RPS6KA2: variants seen among roughly 807,000 people sequenced by gnomAD.
RPS6KA2 encodes the protein ribosomal protein S6 kinase A2.
Under a neutral mutation model 91.8 loss-of-function variants are expected in RPS6KA2, and 42 were observed. The ratio of observed to expected loss-of-function variants is 0.46; its 90% CI spans 0.36 to 0.59. The LOEUF is 0.59. Ranked by LOEUF, RPS6KA2 falls within the 20% of genes least tolerant of loss-of-function variation. The pLI is 0.00. For synonymous variants in RPS6KA2, 414 were observed against 393.6 expected, an observed-to-expected ratio of 1.05 and a Z score of -0.61; for missense variants, 798 against 978.5, an observed-to-expected ratio of 0.82 and a Z score of 2.46.
rs142688687 is a variant in RPS6KA2 at position 166,696,627 on chromosome 6, G to A, written c.124-157843C>T. 6.5e-3 allele frequency among the ~76,000 whole-genome samples: 996 copies of A among 152,290 alleles called. 7 individuals carry two copies. The highest frequency in any genetic ancestry group is 0.021 in the African/African-American group (854 of 41,556). On this transcript the variant is annotated intron_variant, in intron 2 of 21. Coordinates refer to the RPS6KA2 transcript ENST00000503859. ...TGCACGGTGCCCAGATACTGGTCAG[G>A]GTTATTATGAATGTGTCCGTGAGGG...
chr6:166,507,489 AAC>A (rs1226304440), intron 5 of RPS6KA2, among the ~76,000 whole-genome samples: 4 of 150,348 alleles, frequency 2.7e-5, no homozygotes, highest in East Asian at 2.0e-4. Context: ...CAGGATGTCA[AAC>A]ACACAGACAC....
At chr6:166,446,899 C>T (rs1271323892) in intron 14 of RPS6KA2, among the ~76,000 whole-genome samples, 1 of 152,136 alleles carries the variant, frequency 6.6e-6, no homozygotes, top group Non-Finnish European at 1.5e-5. Context: ...GAAAAAAATT[C>T]CAAGGAGCCT....
At chr6:166,443,431 T>C (rs1346273419) in intron 14 of RPS6KA2, among the ~76,000 whole-genome samples, 2 of 152,256 alleles carry the variant, frequency 1.3e-5, no homozygotes, top group Non-Finnish European at 2.9e-5. Context: ...TCAAGGTTTA[T>C]GGAACTGCAC....
intron 3 of RPS6KA2, among the ~76,000 whole-genome samples, chr6:166,526,077 C>T (rs931992713): frequency 6.6e-6 from 1 of 151,444 alleles, no homozygotes. Context: ...GCCTCCTCTC[C>T]ACATAACTCC....
Position 166,412,947 on chromosome 6 carries a change from GC to G in RPS6KA2, c.2077-61del, listed in dbSNP as rs1198966589. 8.1e-6 allele frequency: 12 copies of G among 1,481,110 alleles called. No individual in the cohort carries two copies. In the East Asian group the frequency reaches 2.6e-4, roughly 32 times the overall value. The allele number at this position is 1,481,110 out of a possible 1,614,324, so 91.7% of individuals were successfully genotyped here. A position where few individuals can be genotyped will look rare whatever the true frequency, so the allele number is the denominator to read the frequency against. On this transcript the variant is annotated intron_variant, in intron 20 of 20. Transcript: ENST00000265678. The surrounding 1 kb of genome is among the most constrained non-coding windows in gnomAD (Gnocchi z 4.3). The stretch of plus-strand genomic sequence containing the variant: ...GCCTCACTCCAGGGGTTGAGCCGGA[GC>G]CCGGGGCCTCCATGGGCCTCAGCTG...
At chr6:166,561,483 G>A (rs1784341377) in intron 1 of RPS6KA2, among the ~76,000 whole-genome samples, 1 of 151,864 alleles carries the variant, frequency 6.6e-6, no homozygotes, top group East Asian at 1.9e-4. Flanking sequence ...GCTGCTCTGT[G>A]CCCCTACTGC....
intron 2 of RPS6KA2, among the ~76,000 whole-genome samples, chr6:166,680,455 C>T (rs60808245): frequency 3.3e-5 from 5 of 152,230 alleles, no homozygotes; most frequent in East Asian, 3.9e-4. Flanking sequence ...TCCCCTTCCA[C>T]GTTGTGGAAG....
chr6:166,510,117 G>A (rs535253591), intron 4 of RPS6KA2, among the ~76,000 whole-genome samples, 160 bp downstream of exon 4: 1 of 152,304 alleles, frequency 6.6e-6, no homozygotes, highest in Admixed American at 6.5e-5. Context: ...AAGAGATTAA[G>A]TGATCAGGAT....
At chr6:166,564,490 C>T (rs928870531) in intron 1 of RPS6KA2, among the ~76,000 whole-genome samples, 4 of 152,206 alleles carry the variant, frequency 2.6e-5, no homozygotes, top group African/African-American at 9.6e-5. Flanking sequence ...TCCCTGTCCG[C>T]CCCACGCCTC....
intron 2 of RPS6KA2, among the ~76,000 whole-genome samples, chr6:166,532,842 AGAGT>A (rs1482237952): frequency 2.0e-5 from 3 of 151,312 alleles, no homozygotes. Context: ...AGAGAGAGAG[AGAGT>A]GTGTGTGTGT....
intron 2 of RPS6KA2, among the ~76,000 whole-genome samples, chr6:166,642,091 C>A (rs150943656): frequency 6.6e-6 from 1 of 151,820 alleles, no homozygotes; most frequent in African/African-American, 2.4e-5. Context: ...AAAATGATAC[C>A]TAAATACATC....
chr6:166,474,924 GCCT>G (rs1041039684), intron 10 of RPS6KA2, among the ~76,000 whole-genome samples: 19 of 152,346 alleles, frequency 1.2e-4, no homozygotes, highest in East Asian at 5.8e-4. Flanking sequence ...TCATCCCGGA[GCCT>G]ACCCGTGATG....
chr6:166,661,454 A>G (rs373910269), intron 2 of RPS6KA2, among the ~76,000 whole-genome samples: 161 of 152,324 alleles, frequency 1.1e-3, no homozygotes, highest in African/African-American at 3.8e-3. Context: ...CATGTTTAAA[A>G]TATTTGATGG....
At chr6:166,496,006 C>CT (rs1246745549) in intron 8 of RPS6KA2, among the ~76,000 whole-genome samples, 1 of 152,196 alleles carries the variant, frequency 6.6e-6, no homozygotes, top group Admixed American at 6.5e-5. Flanking sequence ...TTCTGTTCTC[C>CT]TATTTCTTTT....
chr6:166,671,164 T>A (rs1463783638), intron 2 of RPS6KA2, among the ~76,000 whole-genome samples: 1 of 152,220 alleles, frequency 6.6e-6, no homozygotes, highest in East Asian at 1.9e-4. Flanking sequence ...ATGAGAGCCA[T>A]GCAGAGTAAA....
chr6:166,862,301 G>C (rs1212970168), exon 1 of RPS6KA2: 49 of 1,560,550 alleles, frequency 3.1e-5, no homozygotes, highest in Non-Finnish European at 4.2e-5. Flanking sequence ...GGCGGGTGGC[G>C]GCGATGGAGA....
At chr6:166,790,462 T>C (rs1099638) in intron 2 of RPS6KA2, among the ~76,000 whole-genome samples, 63,058 of 151,764 alleles carry the variant, frequency 0.42, 14,009 homozygotes, top group East Asian at 0.55. Context: ...CAGGAGAACT[T>C]CCCCAATCTA....
chr6:166,588,052 G>A (rs762073944), intron 1 of RPS6KA2, among the ~76,000 whole-genome samples: 5 of 152,154 alleles, frequency 3.3e-5, no homozygotes, highest in African/African-American at 4.8e-5. Flanking sequence ...GAGAATTCTC[G>A]TATCATGAAC....
At chr6:166,744,586 C>T (rs749561486) in intron 2 of RPS6KA2, among the ~76,000 whole-genome samples, 2 of 152,168 alleles carry the variant, frequency 1.3e-5, no homozygotes, top group Non-Finnish European at 1.5e-5. Flanking sequence ...GAGAGCCGCG[C>T]ACCCGTGCAG....
Sources: allele counts gnomAD v4.1 joint callset (sites outside exome capture counted in the v4.1 genomes callset), GRCh38; gene constraint gnomAD v4.1.1; non-coding constraint Gnocchi (gnomAD v3.1); transcripts MANE v1.5; gene names NCBI Gene and HGNC (gene_info 2026-07-23, HGNC 2026-07-21).